Variants in PSRC1 observed in about 807,000 individuals in gnomAD.
PSRC1 encodes proline and serine rich coiled-coil 1.
Under a neutral mutation model 31.9 loss-of-function variants are expected in PSRC1, and 30 were observed. That is an observed-to-expected ratio of 0.94 (90% CI 0.70 to 1.28). The LOEUF is 1.28. Ranked by LOEUF, PSRC1 falls within the 50% of genes most tolerant of loss-of-function variation. The pLI is 0.00. For synonymous variants in PSRC1, 191 were observed against 192.1 expected, an observed-to-expected ratio of 0.99 and a Z score of 0.05; for missense variants, 481 against 472.8, an observed-to-expected ratio of 1.02 and a Z score of -0.16.
chr1:109,280,537 A>C, intron 5 of PSRC1, 48 bp from the exon 7 acceptor site: 1 of 1,475,768 alleles, frequency 6.8e-7, no homozygotes, highest in Non-Finnish European at 9.4e-7. Context: ...AGTTTAACTG[A>C]CCTCGAAAAG....
At chr1:109,280,484 C>A (rs1656879369) in exon 6 of PSRC1, 1 of 1,612,104 alleles carries the variant, frequency 6.2e-7, no homozygotes, top group African/African-American at 1.3e-5. Context: ...CGCTGGGAAA[C>A]AGGAACTTCA....
chr1:109,282,045 G>T (rs1224717068), exon 4 of PSRC1: 1 of 1,496,576 alleles, frequency 6.7e-7, no homozygotes, highest in South Asian at 1.4e-5. Flanking sequence ...ACACTGTTAT[G>T]TCTTCCTCCT....
intron 3 of PSRC1, 96 bp from the exon 4 acceptor site, chr1:109,282,156 G>T: frequency 1.7e-6 from 2 of 1,164,280 alleles, no homozygotes; most frequent in Non-Finnish European, 2.4e-6. Context: ...CAGAGCCAGG[G>T]ACATGACCCT....
At chr1:109,281,773 C>T (rs1283759005) in exon 4 of PSRC1, 1 of 1,613,982 alleles carries the variant, frequency 6.2e-7, no homozygotes, top group African/African-American at 1.3e-5. Context: ...TCGGACAGGA[C>T]TATCCTTCAG....
chr1:109,282,310 T>A, intron 3 of PSRC1: 1 of 618,464 alleles, frequency 1.6e-6, no homozygotes, highest in South Asian at 2.0e-5. Flanking sequence ...TTATCCTTCT[T>A]CTTAACACCC....
chr1:109,282,010 C>G, exon 4 of PSRC1: 1 of 1,509,544 alleles, frequency 6.6e-7, no homozygotes, highest in Middle Eastern at 1.8e-4. Context: ...GAGGCCCCGT[C>G]GAAGTGGTTT....
chr1:109,281,184 G>C (rs2101361670), exon 5 of PSRC1: 1 of 1,613,670 alleles, frequency 6.2e-7, no homozygotes, highest in East Asian at 2.2e-5. Context: ...GACTGGGGGA[G>C]TCGATCGGGT....
chr1:109,280,193 C>A (rs1238844583), intron 6 of PSRC1, 37 bp from the exon 8 acceptor site: 21 of 1,611,818 alleles, frequency 1.3e-5, no homozygotes, highest in Middle Eastern at 1.6e-4. Context: ...TTAAAATGCC[C>A]TTCTTCCTCA....
chr1:109,282,765 T>A lies in PSRC1; in HGVS notation c.-33-34A>T, dbSNP rs1033549127. ...GAGAGAAACCATACCTTTCCTCAGG[T>A]ATCCATTCTGCCCAAGGCTCGCAGC... is the stretch of plus-strand genomic sequence containing the variant. On this transcript the variant is annotated intron_variant, in intron 1 of 6. Coordinates refer to ENST00000409138, the Ensembl canonical transcript of PSRC1. The A allele has an allele frequency of 2.6e-6, 4 of 1,548,248 alleles. No homozygotes were observed. The African/African-American group carries it at 5.5e-5, about 21-fold the overall frequency.
chr1:109,281,047 C>G lies in PSRC1; in HGVS notation c.724G>C (p.Gly242Arg). Residue 242 changes from glycine to arginine, a missense_variant, in exon 5 of 7, where the codon GGC becomes CGC. Physicochemically the swap from Gly to Arg is moderately radical, Grantham distance 125 (BLOSUM62 -2). Coordinates refer to ENST00000409138, the Ensembl canonical transcript of PSRC1. ...ACGGATCTGATGGGGGTGGGTGGGC[C>G]TGGTGGAGAGGGGTGGAGAAATTTC... is the stretch of plus-strand genomic sequence containing the variant. 3 of 1,612,920 alleles carry G rather than the reference C, an allele frequency of 1.9e-6. No homozygotes were observed. Among genetic ancestry groups the G allele is most frequent in the Non-Finnish European group, 2.5e-6 (3 of 1,179,716 alleles).
chr1:109,282,256 C>T (rs890496681), intron 3 of PSRC1, 196 bp from the exon 4 acceptor site: 15 of 619,742 alleles, frequency 2.4e-5, no homozygotes, highest in Admixed American at 9.0e-5. Flanking sequence ...TTAGCATTTA[C>T]GGACATCAGA....
exon 4 of PSRC1, chr1:109,281,732 G>T: frequency 6.2e-7 from 1 of 1,613,936 alleles, no homozygotes; most frequent in East Asian, 2.2e-5. Context: ...GGGGTGCTCC[G>T]CGTCAAAGAG....
At chr1:109,280,202 C>G (rs367608599) in intron 6 of PSRC1, 46 bp from the exon 8 acceptor site, 5 of 1,608,322 alleles carry the variant, frequency 3.1e-6, no homozygotes, top group Non-Finnish European at 4.3e-6. Context: ...CCTTCTTCCT[C>G]AAGCCCATTT....
rs544803512 is a variant in PSRC1 at position 109,281,819 on chromosome 1, G to C, written c.319C>G (p.Arg107Gly). ...TCCCGCCGAGGACTGGGCTTCACTC[G>C]GCGAGGCCCCAGGCCCTCGCCTGCG... Residue 107 changes from arginine to glycine, a missense_variant, in exon 4 of 7, where the codon CGA becomes GGA. By Grantham distance (125) the Arg-to-Gly change is moderately radical. Transcript: ENST00000409138. 4.8e-5 allele frequency: 77 copies of C among 1,613,834 alleles called. No homozygotes were observed. Among genetic ancestry groups the C allele is most frequent in the Non-Finnish European group, 5.6e-5 (66 of 1,180,014 alleles).
At chr1:109,279,577 T>C (rs1395634755) in exon 7 of PSRC1, 1 of 152,932 alleles carries the variant, frequency 6.5e-6, no homozygotes, top group South Asian at 2.1e-4. Flanking sequence ...TAAAAATACA[T>C]TCACTTTATT....
At chr1:109,282,154 G>C (rs1657266396) in intron 3 of PSRC1, 94 bp from the exon 4 acceptor site, 1 of 1,180,472 alleles carries the variant, frequency 8.5e-7, no homozygotes, top group Admixed American at 3.0e-5. Flanking sequence ...AACAGAGCCA[G>C]GGACATGACC....
rs146574054 is a variant in PSRC1 at position 109,281,883 on chromosome 1, G to A, written c.255C>T (p.Ala85=). Residue 85 remains alanine (A), a synonymous_variant, in exon 4 of 7, where the codon GCC becomes GCT. Coordinates refer to ENST00000409138, the Ensembl canonical transcript of PSRC1. Reference sequence around the variant, plus strand: ...GCAGGGCACACTGCTCCAGCTGAGCGGCCAGCCGGTTGGCCTCATCGAGGA... The same window carrying A: ...GCAGGGCACACTGCTCCAGCTGAGCAGCCAGCCGGTTGGCCTCATCGAGGA... 38 of 1,612,340 alleles carry A rather than the reference G, an allele frequency of 2.4e-5. 1 individual carries two copies. The highest frequency in any genetic ancestry group is 2.2e-4 in the Admixed American group (13 of 59,912).
chr1:109,281,262 AAG>A lies in PSRC1; in HGVS notation c.520-13_520-12del. ...GCAAGTGGGTGACTCCTGAAACACA[AAG>A]AGAGAGAGAAAAAAGACTAGAGTGG... On this transcript the variant is annotated splice_polypyrimidine_tract_variant and intron_variant, in intron 4 of 6. Transcript: ENST00000409138. 6 of 1,561,146 alleles carry A rather than the reference AAG, an allele frequency of 3.8e-6. No individual in the cohort carries two copies. The highest frequency in any genetic ancestry group is 3.5e-5 in the South Asian group (3 of 85,978).
chr1:109,280,540 T>C, intron 5 of PSRC1, 51 bp from the exon 7 acceptor site: 1 of 1,457,638 alleles, frequency 6.9e-7, no homozygotes, highest in Non-Finnish European at 9.5e-7. Flanking sequence ...TTAACTGACC[T>C]CGAAAAGAAA....
Sources: allele counts gnomAD v4.1 joint callset, GRCh38; gene constraint gnomAD v4.1.1; transcripts MANE v1.5; gene names NCBI Gene and HGNC (gene_info 2026-07-23, HGNC 2026-07-21).